The following ABCB5 variants were observed in gnomAD, a reference collection of about 807,000 sequenced individuals.
ABCB5 encodes ATP binding cassette subfamily B member 5, also known as ATP-binding cassette sub-family B member 5.
ABCB5 carries 155 observed loss-of-function variants against 144.2 expected under a neutral mutation model. The observed-to-expected ratio is 1.08, with a 90% confidence interval of 0.94 to 1.23. ABCB5 has a LOEUF of 1.23. Ranked by LOEUF, ABCB5 falls within the 50% of genes most tolerant of loss-of-function variation. The probability of loss-of-function intolerance (pLI) is 0.00; values close to 1 mark genes in which losing one functional copy is unlikely to be tolerated. For synonymous variants in ABCB5, 610 were observed against 528.6 expected (o/e 1.15, Z -2.11); for missense variants, 1,830 against 1,520.8 (o/e 1.20, Z -3.38).
At chr7:20,702,731 G>A (rs1347359201) in intron 19 of ABCB5, among the ~76,000 whole-genome samples, 2 of 142,650 alleles carry the variant, frequency 1.4e-5, no homozygotes, top group Non-Finnish European at 3.0e-5. Context: ...GCGTGATCTC[G>A]GCTCACTGCA....
chr7:20,651,716 AG>A, intron 13 of ABCB5, 93 bp downstream of exon 13: 1 of 1,305,172 alleles, frequency 7.7e-7, no homozygotes, highest in Non-Finnish European at 1.1e-6. Context: ...GATGCAGAAT[AG>A]TAGGGGTGTG....
At position 20,681,506 on chromosome 7, in the gene ABCB5, C is replaced by A. The variant is rs150650141; in HGVS notation, c.1709C>A (p.Ala570Glu). The change falls in exon 15 of 28, where the codon GCG becomes GAG. Residue 570 changes from alanine to glutamate, a missense_variant and splice_region_variant. Coordinates refer to ENST00000404938, the MANE Select transcript of ABCB5 (RefSeq NM_001163941.2). ...TTTTCTATGCATTTTATTCTGTAGGCGAGCAAAGGTCGGACTACAATCGTG... is the reference window on the plus strand; with the variant it reads ...TTTTCTATGCATTTTATTCTGTAGGAGAGCAAAGGTCGGACTACAATCGTG... ...KSAVQAALEKASKGRTTIVVA... is the reference protein window; with the variant it reads ...KSAVQAALEKESKGRTTIVVA... The A allele has an allele frequency of 1.2e-6, 2 of 1,613,672 alleles. No individual in the cohort carries two copies. The highest frequency in any genetic ancestry group is 1.7e-6 in the Non-Finnish European group (2 of 1,179,860).
intron 1 of ABCB5, among the ~76,000 whole-genome samples, chr7:20,619,026 C>T (rs946372359): frequency 7.9e-5 from 12 of 151,936 alleles, no homozygotes; most frequent in African/African-American, 2.9e-4. Flanking sequence ...CCACCTACTT[C>T]GGCCTCCCAA....
intron 16 of ABCB5, among the ~76,000 whole-genome samples, chr7:20,688,728 A>T (rs527841406): frequency 1.3e-5 from 2 of 152,238 alleles, no homozygotes; most frequent in Non-Finnish European, 2.9e-5. Context: ...CCAAATGCCC[A>T]TCAATGATAG....
chr7:20,702,244 C>G (rs1786653612), intron 19 of ABCB5, among the ~76,000 whole-genome samples: 1 of 152,102 alleles, frequency 6.6e-6, no homozygotes, highest in South Asian at 2.1e-4. Flanking sequence ...AAATAATTAC[C>G]TATAGAGCTA....
intron 15 of ABCB5, among the ~76,000 whole-genome samples, chr7:20,684,607 A>G (rs201647885): frequency 0.03 from 4,343 of 143,948 alleles, 156 homozygotes; most frequent in African/African-American, 0.087. Flanking sequence ...AAATAAATAA[A>G]TAAAAACAAA....
At chr7:20,731,742 T>A (rs188561659) in intron 23 of ABCB5, among the ~76,000 whole-genome samples, 1 of 152,172 alleles carries the variant, frequency 6.6e-6, no homozygotes, top group East Asian at 1.9e-4. Context: ...CCCAAAAATG[T>A]TGGAGTCATC....
At chr7:20,659,025 C>T (rs1784908739) in intron 14 of ABCB5, 1 of 1,599,346 alleles carries the variant, frequency 6.3e-7, no homozygotes, top group South Asian at 1.1e-5. Flanking sequence ...CTTCTACATA[C>T]ACCTGTGGGA....
At chr7:20,656,844 C>T (rs1237046646) in intron 13 of ABCB5, among the ~76,000 whole-genome samples, 2 of 149,988 alleles carry the variant, frequency 1.3e-5, no homozygotes, top group Non-Finnish European at 3.0e-5. Context: ...AAATAGGAAA[C>T]AATTTAAGTG....
chr7:20,720,931 G>A lies in ABCB5; in HGVS notation c.2422-2085G>A, dbSNP rs1383811054. ...TGCACTCCAGCCTGGGCGACAGAGC[G>A]AAACTCTGCCTCAAAAAAAAAAAAA... On this transcript the variant is annotated intron_variant, in intron 20 of 27. Coordinates refer to ENST00000404938, the MANE Select transcript of ABCB5 (RefSeq NM_001163941.2). Among the ~76,000 whole-genome samples the A allele has an allele frequency of 9.7e-5, 9 of 92,968 alleles. No individual in the cohort carries two copies. In the East Asian group the frequency reaches 1.6e-3, roughly 17 times the overall value. 61.0% of individuals were successfully genotyped at this position (92,968 alleles called of 152,430 possible). A position where few individuals can be genotyped will look rare whatever the true frequency, so the allele number is the denominator to read the frequency against.
chr7:20,744,767 A>G (rs1298282112), intron 25 of ABCB5, among the ~76,000 whole-genome samples: 1 of 151,760 alleles, frequency 6.6e-6, no homozygotes, highest in Non-Finnish European at 1.5e-5. Flanking sequence ...TATAATAATA[A>G]TAAAATTAAA....
At chr7:20,620,652 A>G (rs934096108) in intron 1 of ABCB5, among the ~76,000 whole-genome samples, 2 of 152,264 alleles carry the variant, frequency 1.3e-5, no homozygotes, top group Middle Eastern at 3.4e-3. Flanking sequence ...ACTCAACATC[A>G]CTAGTCATTA....
intron 23 of ABCB5, among the ~76,000 whole-genome samples, chr7:20,731,716 T>C (rs1229865843): frequency 6.6e-6 from 1 of 152,146 alleles, no homozygotes; most frequent in East Asian, 1.9e-4. Context: ...CCAACCACCA[T>C]CCACACAGTT....
chr7:20,617,839 C>A (rs570327518), intron 1 of ABCB5, among the ~76,000 whole-genome samples: 2 of 152,028 alleles, frequency 1.3e-5, no homozygotes, highest in African/African-American at 4.8e-5. Context: ...ACAAGTTACA[C>A]CTCAAGTCAA....
At chr7:20,630,451 G>C (rs769416301) in intron 4 of ABCB5, among the ~76,000 whole-genome samples, 10 of 150,836 alleles carry the variant, frequency 6.6e-5, no homozygotes, top group African/African-American at 9.7e-5. Context: ...AATCTTTTAC[G>C]TGTGCTAATC....
intron 5 of ABCB5, among the ~76,000 whole-genome samples, chr7:20,634,764 T>C (rs906994779): frequency 2.0e-5 from 3 of 152,084 alleles, no homozygotes; most frequent in Non-Finnish European, 4.4e-5. Context: ...TATTTTATTG[T>C]CATTGTTGAG....
At chr7:20,731,350 C>A (rs1782207511) in intron 23 of ABCB5, among the ~76,000 whole-genome samples, 1 of 71,118 alleles carries the variant, frequency 1.4e-5, no homozygotes. Flanking sequence ...AAGACTCCAA[C>A]TCAGGAAAAA....
chr7:20,713,727 C>A (rs1781573371), intron 20 of ABCB5, among the ~76,000 whole-genome samples: 2 of 149,576 alleles, frequency 1.3e-5, no homozygotes, highest in Non-Finnish European at 3.0e-5. Flanking sequence ...AAAGGCAAAA[C>A]CCTTCCACAT....
chr7:20,676,467 T>C (rs563997706), intron 14 of ABCB5, among the ~76,000 whole-genome samples: 1 of 152,258 alleles, frequency 6.6e-6, no homozygotes, highest in South Asian at 2.1e-4. Context: ...CTGAATGACA[T>C]TATGCTAAGT....
Sources: gnomAD v4.1 joint callset for allele counts (sites outside exome capture counted in the v4.1 genomes callset) on GRCh38, gnomAD v4.1.1 for gene constraint, MANE v1.5 for transcripts, NCBI Gene and HGNC (gene_info 2026-07-23, HGNC 2026-07-21) for gene names.